YTHDC2: variants seen among roughly 807,000 people sequenced by gnomAD.
YTHDC2 encodes the protein YTH N6-methyladenosine RNA binding protein C2, also known as 3'-5' RNA helicase YTHDC2.
In YTHDC2, 45 loss-of-function variants were observed where a neutral mutation model predicts 174.9. That is an observed-to-expected ratio of 0.26 (90% CI 0.20 to 0.33). The LOEUF (loss-of-function observed/expected upper bound fraction) is 0.33. YTHDC2 is among the 10% of genes least tolerant of loss of function. YTHDC2 has a pLI of 1.00. For synonymous variants in YTHDC2, 657 were observed against 574.5 expected (o/e 1.14, Z -2.05); for missense variants, 1,650 against 1,723.7 (o/e 0.96, Z 0.76).
In YTHDC2 at chr5:113,591,074, C is replaced by G. The variant is rs746694787; in HGVS notation, c.3859C>G (p.Pro1287Ala). ...SKSPSPRPNM[P>A]VRYFIMKSSN... ...ATCTCCTTCGCCAAGACCAAACATG[C>G]CTGTTCGATACTTCATAATGAAGAG... The change falls in exon 27 of 30, where the codon CCT becomes GCT. Residue 1287 changes from proline to alanine, a missense_variant. Pro to Ala is a conservative substitution (Grantham distance 27). Transcript: ENST00000161863. The G allele has an allele frequency of 1.8e-5, 29 of 1,613,744 alleles. No individual in the cohort carries two copies. Among genetic ancestry groups the G allele is most frequent in the South Asian group, 1.2e-4 (11 of 91,068 alleles).
At position 113,584,303 on chromosome 5, in the gene YTHDC2, G is replaced by C; in HGVS notation, c.3649G>C (p.Val1217Leu). Reference sequence around the variant, plus strand: ...TTTGCTTCCTCCTTCTTGCTCAAGAGTACTGATGAAATCTCCATCTCCAGC... The same window carrying C: ...TTTGCTTCCTCCTTCTTGCTCAAGACTACTGATGAAATCTCCATCTCCAGC... ...FSDECTTAERVLMKSPSPALH... is the reference protein window; with the variant it reads ...FSDECTTAERLLMKSPSPALH... The change falls in exon 26 of 30, where the codon GTA becomes CTA. Residue 1217 changes from valine (V) to leucine (L), a missense_variant and splice_region_variant. By Grantham distance (32) the Val-to-Leu change is conservative. Around this residue, in one of 5 missense-constraint regions of YTHDC2, gnomAD observed 913 missense variants for 940.4 expected, o/e 0.97. Coordinates refer to ENST00000161863, the MANE Select transcript of YTHDC2 (RefSeq NM_022828.5). 2 of 1,610,204 alleles carry C rather than the reference G, an allele frequency of 1.2e-6. No homozygotes were observed. The highest frequency in any genetic ancestry group is 1.7e-6 in the Non-Finnish European group (2 of 1,178,016).
At chr5:113,514,166 T>G in intron 1 of YTHDC2, 84 bp downstream of exon 1, 1 of 1,490,446 alleles carries the variant, frequency 6.7e-7, no homozygotes, top group Non-Finnish European at 9.0e-7. Flanking sequence ...CACCGAGTGA[T>G]GGGGGTGCCT....
chr5:113,567,068 T>C, intron 21 of YTHDC2, 24 bp from the exon 22 acceptor site: 2 of 1,598,758 alleles, frequency 1.3e-6, no homozygotes, highest in South Asian at 1.1e-5. Flanking sequence ...ATAGAAAAAT[T>C]GGTGTGGTTT....
At chr5:113,534,912 C>CA (rs945770690) in intron 6 of YTHDC2, among the ~76,000 whole-genome samples, 5 of 151,640 alleles carry the variant, frequency 3.3e-5, no homozygotes, top group South Asian at 2.1e-4. Flanking sequence ...TAGTTTGTGT[C>CA]AAAAAAAATT....
At chr5:113,589,514 G>A (rs772069681) in intron 26 of YTHDC2, among the ~76,000 whole-genome samples, 4 of 150,260 alleles carry the variant, frequency 2.7e-5, no homozygotes, top group Non-Finnish European at 5.9e-5. Flanking sequence ...ATAGCTTGAG[G>A]CTAGGAGTTT....
intron 10 of YTHDC2, among the ~76,000 whole-genome samples, chr5:113,542,757 A>G (rs919346426): frequency 2.0e-5 from 3 of 152,216 alleles, no homozygotes; most frequent in African/African-American, 4.8e-5. Flanking sequence ...TTACATGACA[A>G]TTATGTGCAA....
chr5:113,592,994 A>C, intron 28 of YTHDC2: 1 of 188,340 alleles, frequency 5.3e-6, no homozygotes, highest in African/African-American at 2.3e-5. Context: ...CTTTTGCTGA[A>C]TCTCTATGAA....
At chr5:113,569,026 A>G (rs1267597975) in intron 23 of YTHDC2, among the ~76,000 whole-genome samples, 4 of 152,066 alleles carry the variant, frequency 2.6e-5, no homozygotes, top group African/African-American at 7.2e-5. Flanking sequence ...CCTCACCAGC[A>G]TGTTGTTTTT....
At chr5:113,517,040 G>A (rs1472921680) in intron 2 of YTHDC2, among the ~76,000 whole-genome samples, 2 of 152,024 alleles carry the variant, frequency 1.3e-5, no homozygotes, top group Non-Finnish European at 2.9e-5. Context: ...GAAACACTTG[G>A]GCTAAATATA....
At chr5:113,523,683 A>G (rs1222497228) in intron 2 of YTHDC2, among the ~76,000 whole-genome samples, 1 of 152,146 alleles carries the variant, frequency 6.6e-6, no homozygotes, top group Non-Finnish European at 1.5e-5. Flanking sequence ...TTCAATAAGG[A>G]GTTTCCAGAA....
chr5:113,534,228 C>A, intron 5 of YTHDC2, 77 bp from the exon 6 acceptor site: 1 of 1,059,660 alleles, frequency 9.4e-7, no homozygotes, highest in Admixed American at 1.7e-5. Flanking sequence ...TGTACGAGGC[C>A]AGCATTTAAT....
rs1265284178 is a variant in YTHDC2, at chr5:113,542,228, G to A, written c.1360-140G>A. The A allele has an allele frequency of 4.9e-6, 4 of 823,152 alleles. No individual in the cohort carries two copies. The South Asian group carries it at 5.2e-5, about 11-fold the overall frequency. 51.0% of individuals were successfully genotyped at this position (823,152 alleles called of 1,614,324 possible). ...GTGAGTGATAATGTTTGTGATGAAA[G>A]GAGAAATTTTTTATGTCAAAGCATT... On this transcript the variant is annotated intron_variant, in intron 9 of 29. Coordinates refer to ENST00000161863, the MANE Select transcript of YTHDC2 (RefSeq NM_022828.5).
In YTHDC2 at chr5:113,584,773, C is replaced by CTTTT. The variant is rs34217644; in HGVS notation, c.3825+312_3825+315dup. On this transcript the variant is annotated intron_variant, in intron 26 of 29. Transcript: ENST00000161863. ...ATTTCTTTCCTATTTCTTTCGAATC[C>CTTTT]TTTTTTTTTTTTTTTTTTTTTGAGG... 4.4e-3 allele frequency among the ~76,000 whole-genome samples: 420 copies of CTTTT among 95,718 alleles called. 22 individuals are homozygous for CTTTT. Among genetic ancestry groups the CTTTT allele is most frequent in the African/African-American group, 0.017 (379 of 22,842 alleles). 62.8% of individuals were successfully genotyped at this position (95,718 alleles called of 152,430 possible). A position where few individuals can be genotyped will look rare whatever the true frequency, so the allele number is the denominator to read the frequency against.
intron 23 of YTHDC2, among the ~76,000 whole-genome samples, chr5:113,575,797 A>C (rs1248297871): frequency 6.6e-6 from 1 of 152,252 alleles, no homozygotes; most frequent in Admixed American, 6.5e-5. Flanking sequence ...AGGAGTAATT[A>C]CAAGAATAGA....
chr5:113,515,007 G>C (rs181448095), intron 1 of YTHDC2, among the ~76,000 whole-genome samples: 1 of 151,912 alleles, frequency 6.6e-6, no homozygotes, highest in Non-Finnish European at 1.5e-5. Flanking sequence ...GAATATCAGA[G>C]GCCTTTATCA....
Position 113,515,359 on chromosome 5 carries a change from A to G in YTHDC2, c.275A>G (p.Lys92Arg). The G allele has an allele frequency of 1.9e-6, 3 of 1,610,136 alleles. No homozygotes were observed. Among genetic ancestry groups the G allele is most frequent in the Non-Finnish European group, 2.5e-6 (3 of 1,178,972 alleles). The change falls in exon 2 of 30, where the codon AAA (lysine) becomes AGA (arginine). Residue 92 changes from lysine (K) to arginine (R), a missense_variant. Lys to Arg is a conservative substitution (Grantham distance 26). This residue lies in a region of YTHDC2 where 304 missense variants were observed against 341.4 expected (regional missense o/e 0.89). Transcript: ENST00000161863. ...TCTCTTGGTTTGGTCTCTAAAAGTA[A>G]AGGGTAAGCTGGTAGCTTTTCTTAT... ...SQSLGLVSKS[K>R]GKGANRYLTV...
Position 113,587,535 on chromosome 5 carries a change from A to T in YTHDC2, c.3825+3056A>T, listed in dbSNP as rs553039769. Among the ~76,000 whole-genome samples, 91 of 140,138 alleles carry T rather than the reference A, an allele frequency of 6.5e-4. 9 individuals are homozygous for T. Among genetic ancestry groups the T allele is most frequent in the Non-Finnish European group, 9.1e-4 (60 of 65,958 alleles). The allele number at this position is 140,138 out of a possible 152,430, so 91.9% of individuals were successfully genotyped here. ...TATATGTAATATATATTATGTATTT[A>T]TATATTAATATATTGTACATACATA... On this transcript the variant is annotated intron_variant, in intron 26 of 29. Coordinates refer to ENST00000161863, the MANE Select transcript of YTHDC2 (RefSeq NM_022828.5).
intron 26 of YTHDC2, 35 bp from the exon 27 acceptor site, chr5:113,591,006 G>A: frequency 6.3e-7 from 1 of 1,582,938 alleles, no homozygotes; most frequent in Non-Finnish European, 8.6e-7. Context: ...TGAAAGGTCA[G>A]GTTACCTTTC....
intron 21 of YTHDC2, 34 bp from the exon 22 acceptor site, chr5:113,567,058 A>G: frequency 4.4e-6 from 7 of 1,594,366 alleles, no homozygotes; most frequent in Non-Finnish European, 6.0e-6. Context: ...CTTTTGCACA[A>G]TAGAAAAATT....
Sources: gnomAD v4.1 joint callset for allele counts (sites outside exome capture counted in the v4.1 genomes callset) on GRCh38, gnomAD v4.1.1 for gene constraint, gnomAD v4.1.1 regional missense constraint, MANE v1.5 for transcripts, NCBI Gene and HGNC (gene_info 2026-07-23, HGNC 2026-07-21) for gene names.